The following CRTAC1 variants were observed in gnomAD, a reference collection of about 807,000 sequenced individuals.
The protein encoded by CRTAC1 is acidic secreted protein in cartilage.
CRTAC1 carries 37 observed loss-of-function variants against 67.8 expected under a neutral mutation model. That is an observed-to-expected ratio of 0.55 (90% CI 0.42 to 0.72). CRTAC1 has a LOEUF of 0.72. Among genes scored for constraint, CRTAC1 ranks in the 30% least tolerant of loss-of-function variants. The pLI is 0.00. For synonymous variants in CRTAC1, 348 were observed against 371.0 expected (o/e 0.94, Z 0.71); for missense variants, 780 against 931.6 (o/e 0.84, Z 2.12).
chr10:97,944,036 A>G (rs1157897296), intron 2 of CRTAC1, among the ~76,000 whole-genome samples: 1 of 152,234 alleles, frequency 6.6e-6, no homozygotes, highest in African/African-American at 2.4e-5. Flanking sequence ...TGAAGCAAGT[A>G]TTTCAGGGAG....
intron 1 of CRTAC1, among the ~76,000 whole-genome samples, chr10:98,022,654 A>C (rs142144214): frequency 7.6e-4 from 116 of 152,192 alleles, no homozygotes; most frequent in African/African-American, 2.7e-3. Flanking sequence ...ACAAGGATGG[A>C]GACACAGTCT....
rs182425147 is a variant in CRTAC1, at chr10:97,990,722, C to T, written c.224+20416G>A. Among the ~76,000 whole-genome samples the T allele has an allele frequency of 2.1e-4, 32 of 152,320 alleles. 1 individual carries two copies. The highest frequency in any genetic ancestry group is 2.0e-3 in the Admixed American group (30 of 15,300). ...GTTGCTCTCATTCACCACTAACCTC[C>T]AGGGCTCAGCAAGGTGCCTTGCACA... On this transcript the variant is annotated intron_variant, in intron 2 of 14. Coordinates refer to ENST00000370597, the MANE Select transcript of CRTAC1 (RefSeq NM_018058.7).
rs569886796 is a variant in CRTAC1, at chr10:97,894,357, A to G, written c.1486+888T>C. ...TGATAGTTCCATTAATGCCACAGAT[A>G]TACTGTATATCTGTTCATGTGCTAT... On this transcript the variant is annotated intron_variant, in intron 11 of 14. Coordinates refer to ENST00000370597, the MANE Select transcript of CRTAC1 (RefSeq NM_018058.7). 5.9e-5 allele frequency among the ~76,000 whole-genome samples: 9 copies of G among 152,112 alleles called. No homozygotes were observed. In the South Asian group the frequency reaches 1.9e-3, roughly 32 times the overall value.
At chr10:97,937,058 C>T (rs888922681) in intron 2 of CRTAC1, among the ~76,000 whole-genome samples, 3 of 152,216 alleles carry the variant, frequency 2.0e-5, no homozygotes, top group Admixed American at 6.5e-5. Flanking sequence ...GATGGGAGAA[C>T]ATGAACACGT....
chr10:97,945,432 T>C (rs1364359540), intron 2 of CRTAC1, among the ~76,000 whole-genome samples: 2 of 151,910 alleles, frequency 1.3e-5, no homozygotes, highest in African/African-American at 4.8e-5. Flanking sequence ...TGTAATGCTC[T>C]TTTTTTTGTT....
chr10:97,924,330 ACCC>A (rs2050883309), intron 3 of CRTAC1, among the ~76,000 whole-genome samples: 1 of 152,136 alleles, frequency 6.6e-6, no homozygotes, highest in East Asian at 1.9e-4. Flanking sequence ...TCCTCGTTCT[ACCC>A]CCTGGGCTGG....
At position 98,005,198 on chromosome 10, in the gene CRTAC1, G is replaced by T. The variant is rs1472414450; in HGVS notation, c.224+5940C>A. Among the ~76,000 whole-genome samples the T allele has an allele frequency of 2.9e-5, 4 of 136,718 alleles. No homozygotes were observed. The South Asian group carries it at 9.3e-4, about 32-fold the overall frequency. The allele number at this position is 136,718 out of a possible 152,430, so 89.7% of individuals were successfully genotyped here. A position where few individuals can be genotyped will look rare whatever the true frequency, so the allele number is the denominator to read the frequency against. On this transcript the variant is annotated intron_variant, in intron 2 of 14. Coordinates refer to ENST00000370597, the MANE Select transcript of CRTAC1 (RefSeq NM_018058.7). ...CGGCTCACTGCAATCTCCCCCTCCCGAGTTCAAGCGATTCTCCTGCCTCAG... is the reference window on the plus strand; with the variant it reads ...CGGCTCACTGCAATCTCCCCCTCCCTAGTTCAAGCGATTCTCCTGCCTCAG...
chr10:98,019,320 G>A (rs533916065), intron 1 of CRTAC1, among the ~76,000 whole-genome samples: 151 of 152,306 alleles, frequency 9.9e-4, no homozygotes, highest in Non-Finnish European at 1.8e-3. Flanking sequence ...CATGTTTCCA[G>A]CCAAAGGCCC....
intron 3 of CRTAC1, among the ~76,000 whole-genome samples, chr10:97,927,851 G>C (rs116498729): frequency 6.6e-6 from 1 of 152,116 alleles, no homozygotes; most frequent in Non-Finnish European, 1.5e-5. Flanking sequence ...CGAGCTGTGC[G>C]GGTCGATGGC....
chr10:97,933,209 AT>A (rs1279992790), intron 3 of CRTAC1, among the ~76,000 whole-genome samples: 3 of 152,222 alleles, frequency 2.0e-5, no homozygotes, highest in Admixed American at 1.3e-4. Flanking sequence ...CGATTAACCA[AT>A]GGGATCACTC....
intron 2 of CRTAC1, among the ~76,000 whole-genome samples, chr10:97,992,010 G>A (rs936165400): frequency 3.9e-5 from 6 of 152,192 alleles, no homozygotes; most frequent in African/African-American, 1.4e-4. Context: ...ATGCAGACAG[G>A]GAAGAAGGCC....
intron 4 of CRTAC1, among the ~76,000 whole-genome samples, chr10:97,922,825 T>G (rs2050859678): frequency 6.6e-6 from 1 of 152,226 alleles, no homozygotes; most frequent in African/African-American, 2.4e-5. Context: ...CTTCATTTAT[T>G]CCGTAAATAT....
Position 98,030,460 on chromosome 10 carries a change from C to A in CRTAC1, c.13G>T (p.Ala5Ser), listed in dbSNP as rs553337222. 4 of 1,249,862 alleles carry A rather than the reference C, an allele frequency of 3.2e-6. No individual in the cohort carries two copies. Among genetic ancestry groups the A allele is most frequent in the Non-Finnish European group, 4.0e-6 (4 of 989,220 alleles). 77.4% of individuals were successfully genotyped at this position (1,249,862 alleles called of 1,614,324 possible). A position where few individuals can be genotyped will look rare whatever the true frequency, so the allele number is the denominator to read the frequency against. Residue 5 changes from alanine to serine, a missense_variant, in exon 1 of 15, where the codon GCT becomes TCT. Ala to Ser is a moderately conservative substitution (Grantham distance 99). Coordinates refer to ENST00000370597, the MANE Select transcript of CRTAC1 (RefSeq NM_018058.7). The surrounding 1 kb of genome is among the most constrained non-coding windows in gnomAD (Gnocchi z 4.2). ...GTGCAGATACTCACGCCGGGGTCAG[C>A]GCTCGGAGCCATCCTCCCGCTCTCG... MAPS[A>S]DPGMSRMLPF...
chr10:98,001,897 T>C (rs935007724), intron 2 of CRTAC1, among the ~76,000 whole-genome samples: 2 of 152,228 alleles, frequency 1.3e-5, no homozygotes, highest in Non-Finnish European at 2.9e-5. Flanking sequence ...AGAAGGGATG[T>C]GTGAAGAAAA....
intron 2 of CRTAC1, among the ~76,000 whole-genome samples, chr10:97,961,658 C>T (rs775276090): frequency 6.6e-6 from 1 of 152,158 alleles, no homozygotes; most frequent in Non-Finnish European, 1.5e-5. Context: ...CAAATACACT[C>T]TTTTCTAGTT....
intron 2 of CRTAC1, among the ~76,000 whole-genome samples, chr10:97,968,401 C>T (rs1218595596): frequency 6.6e-6 from 1 of 152,178 alleles, no homozygotes; most frequent in Non-Finnish European, 1.5e-5. Flanking sequence ...TGCCACCATG[C>T]CTGGCTAATT....
At position 98,029,496 on chromosome 10, in the gene CRTAC1, C is replaced by CGGT. The variant is rs1249275958; in HGVS notation, c.24+952_24+953insACC. On this transcript the variant is annotated intron_variant, in intron 1 of 14. Coordinates refer to ENST00000370597, the MANE Select transcript of CRTAC1 (RefSeq NM_018058.7). The surrounding 1 kb of genome is among the most constrained non-coding windows in gnomAD (Gnocchi z 4.7). ...GTGCACCCACCAGCAGCAGCAGCGG[C>CGGT]GGCGGCGGCGGCGGCGGCGGCGGCG... Among the ~76,000 whole-genome samples the CGGT allele has an allele frequency of 3.8e-5, 5 of 133,000 alleles. No homozygotes were observed. Among genetic ancestry groups the CGGT allele is most frequent in the Admixed American group, 2.9e-4 (4 of 13,872 alleles). 87.3% of individuals were successfully genotyped at this position (133,000 alleles called of 152,430 possible).
chr10:97,970,334 CA>C (rs2051687171), intron 2 of CRTAC1, among the ~76,000 whole-genome samples: 1 of 152,170 alleles, frequency 6.6e-6, no homozygotes, highest in Admixed American at 6.5e-5. Flanking sequence ...ACATGAAAAT[CA>C]GAGCATCCTT....
intron 2 of CRTAC1, among the ~76,000 whole-genome samples, chr10:97,965,551 C>A (rs2051600823): frequency 6.6e-6 from 1 of 151,984 alleles, no homozygotes; most frequent in East Asian, 1.9e-4. Context: ...TTTCTTTCTT[C>A]TTTTTTGGTA....
Sources: allele counts gnomAD v4.1 joint callset (sites outside exome capture counted in the v4.1 genomes callset), GRCh38; gene constraint gnomAD v4.1.1; non-coding constraint Gnocchi (gnomAD v3.1); transcripts MANE v1.5; gene names NCBI Gene and HGNC (gene_info 2026-07-23, HGNC 2026-07-21).